The following PTK7 variants were observed in gnomAD, a reference collection of about 807,000 sequenced individuals.
PTK7 encodes inactive tyrosine-protein kinase 7.
In PTK7, 39 loss-of-function variants were observed where a neutral mutation model predicts 116.6. The observed-to-expected ratio is 0.33, with a 90% CI of 0.26 to 0.44. The LOEUF (loss-of-function observed/expected upper bound fraction) is 0.44, where lower values mean the gene tolerates loss of function less well. Among genes scored for constraint, PTK7 ranks in the 20% least tolerant of loss-of-function variants. The pLI is 1.00. For missense variants in PTK7, 1,169 were observed against 1,425.6 expected (o/e 0.82, Z 2.90); for synonymous variants, 546 against 563.6 (o/e 0.97, Z 0.44).
chr6:43,118,624 T>C (rs1473102949), intron 1 of PTK7, among the ~76,000 whole-genome samples: 1 of 59,568 alleles, frequency 1.7e-5, no homozygotes, highest in Non-Finnish European at 3.0e-5. Context: ...TTTTAACCTC[T>C]CTCTCTCTCT....
chr6:43,159,633 C>T (rs1771717410), intron 18 of PTK7, 155 bp from the exon 19 acceptor site: 1 of 721,374 alleles, frequency 1.4e-6, no homozygotes, highest in Non-Finnish European at 2.4e-6. Flanking sequence ...CTAGTGTACT[C>T]CCATGCTCAG....
At chr6:43,103,274 AAG>A (rs1330425874) in intron 1 of PTK7, among the ~76,000 whole-genome samples, 1 of 152,204 alleles carries the variant, frequency 6.6e-6, no homozygotes, top group African/African-American at 2.4e-5. Context: ...AAGGGGGTGA[AAG>A]AGAGGGAGAA....
intron 1 of PTK7, among the ~76,000 whole-genome samples, chr6:43,099,749 G>A (rs9472006): frequency 0.12 from 18,732 of 152,154 alleles, 1,886 homozygotes; most frequent in East Asian, 0.32. Flanking sequence ...ATAAATCTGT[G>A]CCAGGGAAAT....
chr6:43,130,782 A>G (rs1582159206), intron 5 of PTK7, 121 bp downstream of exon 5: 16 of 1,354,346 alleles, frequency 1.2e-5, no homozygotes, highest in East Asian at 2.4e-5. Flanking sequence ...CAAATTTCCA[A>G]GAGACACAGT....
intron 17 of PTK7, among the ~76,000 whole-genome samples, chr6:43,150,750 C>T (rs571047835): frequency 4.9e-4 from 68 of 138,910 alleles, no homozygotes; most frequent in African/African-American, 1.7e-3. Context: ...ATTCTGAGGA[C>T]GGTGCTGCAG....
intron 18 of PTK7, among the ~76,000 whole-genome samples, chr6:43,159,205 C>G (rs974467218): frequency 1.3e-5 from 2 of 152,052 alleles, no homozygotes; most frequent in Non-Finnish European, 2.9e-5. Context: ...ATAAATAAAC[C>G]TTTTTTAAAA....
Position 43,146,689 on chromosome 6 carries a change from C to T in PTK7, c.2712C>T (p.Thr904=). The T allele has an allele frequency of 6.2e-7, 1 of 1,612,560 alleles. No individual in the cohort carries two copies. The change falls in exon 17 of 20, where the codon ACC becomes ACT. Residue 904 remains threonine, a synonymous_variant. Coordinates refer to ENST00000230419, the MANE Select transcript of PTK7 (RefSeq NM_002821.5). ...DEKLKSQPLS[T]KQKVALCTQV... is the part of the protein sequence containing the mutation. ...AATTGAAGTCACAGCCCCTCAGCAC[C>T]AAGCAGAAGGTGAGGACAGGGAGTG...
Position 43,142,090 on chromosome 6 carries a change from A to G in PTK7, c.1919+9A>G, listed in dbSNP as rs1770450381. 1.2e-6 allele frequency: 2 copies of G among 1,611,814 alleles called. No individual in the cohort carries two copies. Among genetic ancestry groups the G allele is most frequent in the East Asian group, 2.2e-5 (1 of 44,826 alleles). ...ACCAAGCTGGGACCCAGGTAGGGCC[A>G]CCTCTCTCCCACACCCGTCCCTCCT... On this transcript the variant is annotated intron_variant, in intron 12 of 19. Transcript: ENST00000230419.
rs764062621 is a variant in PTK7, at chr6:43,132,004, TC to T, written c.813-8del. The stretch of plus-strand genomic sequence containing the variant: ...TGGCCACTTTCTCCAAATTGCACTC[TC>T]CCCTCTGCAGCCCCCCACACCTCCG... On this transcript the variant is annotated splice_polypyrimidine_tract_variant and intron_variant, in intron 5 of 19. Coordinates refer to ENST00000230419, the MANE Select transcript of PTK7 (RefSeq NM_002821.5). 6.8e-6 allele frequency: 11 copies of T among 1,613,790 alleles called. No individual in the cohort carries two copies. The South Asian group carries it at 1.2e-4, about 18-fold the overall frequency.
In PTK7 at chr6:43,161,023, G is replaced by A. The variant is rs1278940371; in HGVS notation, c.*142G>A. Reference sequence around the variant, plus strand: ...CAGGCATTGCTGAGGTCTGAGCAGGGCCTGGCCTTTCCTCCTCTTCCTCAC... The same window carrying A: ...CAGGCATTGCTGAGGTCTGAGCAGGACCTGGCCTTTCCTCCTCTTCCTCAC... On this transcript the variant is annotated 3_prime_UTR_variant, in exon 20 of 20. Coordinates refer to ENST00000230419, the MANE Select transcript of PTK7 (RefSeq NM_002821.5). 2.5e-6 allele frequency: 3 copies of A among 1,211,960 alleles called. No individual in the cohort carries two copies. The highest frequency in any genetic ancestry group is 3.3e-6 in the Non-Finnish European group (3 of 896,176). The allele number at this position is 1,211,960 out of a possible 1,614,324, so 75.1% of individuals were successfully genotyped here. A position where few individuals can be genotyped will look rare whatever the true frequency, so the allele number is the denominator to read the frequency against.
intron 1 of PTK7, among the ~76,000 whole-genome samples, chr6:43,096,009 C>T (rs1767230694): frequency 6.6e-6 from 1 of 152,188 alleles, no homozygotes; most frequent in Admixed American, 6.5e-5. Flanking sequence ...CAGCCAGTTG[C>T]CTAGTTTGGG....
intron 1 of PTK7, among the ~76,000 whole-genome samples, chr6:43,115,396 G>A (rs570709542): frequency 6.6e-6 from 1 of 152,256 alleles, no homozygotes; most frequent in African/African-American, 2.4e-5. Flanking sequence ...GGGAAGATCT[G>A]ATGGTTTGAC....
chr6:43,130,489 T>C, intron 4 of PTK7, 22 bp from the exon 5 acceptor site: 1 of 1,612,090 alleles, frequency 6.2e-7, no homozygotes, highest in Non-Finnish European at 8.5e-7. Flanking sequence ...GGCTGCATGC[T>C]CCCCCATCTT....
At chr6:43,151,519 T>TTTTG (rs1771084115) in intron 17 of PTK7, among the ~76,000 whole-genome samples, 1 of 117,462 alleles carries the variant, frequency 8.5e-6, no homozygotes, top group Non-Finnish European at 1.7e-5. Context: ...AGCCCCGTTT[T>TTTTG]TTTGTTTGTT....
At chr6:43,134,143 A>T (rs1372235388) in intron 7 of PTK7, among the ~76,000 whole-genome samples, 1 of 152,152 alleles carries the variant, frequency 6.6e-6, no homozygotes, top group Non-Finnish European at 1.5e-5. Flanking sequence ...GGTTCAAGTG[A>T]TTCTCGTGCC....
intron 1 of PTK7, among the ~76,000 whole-genome samples, chr6:43,100,727 C>T (rs1582089826): frequency 6.6e-6 from 1 of 152,222 alleles, no homozygotes; most frequent in East Asian, 1.9e-4. Flanking sequence ...GAGTACTCTA[C>T]AAATTTGTGT....
At chr6:43,101,225 A>AAAAG (rs201965213) in intron 1 of PTK7, among the ~76,000 whole-genome samples, 16,206 of 146,254 alleles carry the variant, frequency 0.11, 1,551 homozygotes, top group East Asian at 0.3. Flanking sequence ...CAAAAAAAAA[A>AAAAG]AAAGAAAGAA....
chr6:43,077,351 C>G (rs1284273850), intron 1 of PTK7, among the ~76,000 whole-genome samples: 1 of 152,186 alleles, frequency 6.6e-6, no homozygotes, highest in Non-Finnish European at 1.5e-5. Flanking sequence ...GGATTTCCAT[C>G]CTGACTGTCC....
At chr6:43,107,483 TA>T (rs2150398218) in intron 1 of PTK7, among the ~76,000 whole-genome samples, 1 of 152,312 alleles carries the variant, frequency 6.6e-6, no homozygotes, top group South Asian at 2.1e-4. Flanking sequence ...AGATGGGCAT[TA>T]GCATTATAAC....
Sources: gnomAD v4.1 joint callset for allele counts (sites outside exome capture counted in the v4.1 genomes callset) on GRCh38, gnomAD v4.1.1 for gene constraint, MANE v1.5 for transcripts, NCBI Gene and HGNC (gene_info 2026-07-23, HGNC 2026-07-21) for gene names.